Variants in GUCY1A2 observed in about 807,000 individuals in gnomAD.
The protein encoded by GUCY1A2 is guanylate cyclase soluble subunit alpha-2.
In GUCY1A2, 27 loss-of-function variants were observed where a neutral mutation model predicts 63.5. The ratio of observed to expected loss-of-function variants is 0.43; its 90% CI spans 0.31 to 0.59. The LOEUF (loss-of-function observed/expected upper bound fraction) is 0.59, where lower values mean the gene tolerates loss of function less well. Ranked by LOEUF, GUCY1A2 falls within the 20% of genes least tolerant of loss-of-function variation. The probability of loss-of-function intolerance (pLI) is 0.11; values close to 1 mark genes in which losing one functional copy is unlikely to be tolerated. For synonymous variants in GUCY1A2, 364 were observed against 343.5 expected (o/e 1.06, Z -0.66); for missense variants, 768 against 913.3 (o/e 0.84, Z 2.05).
At chr11:106,936,731 T>A in intron 4 of GUCY1A2, 13 of 1,433,192 alleles carry the variant, frequency 9.1e-6, no homozygotes, top group South Asian at 1.2e-5. Flanking sequence ...TTTTTTTTTA[T>A]GGCAGACGTA....
At position 106,751,718 on chromosome 11, in the gene GUCY1A2, G is replaced by A. The variant is rs79305618; in HGVS notation, c.1836+24721C>T. Among the ~76,000 whole-genome samples the A allele has an allele frequency of 8.6e-3, 1,311 of 152,136 alleles. 25 individuals are homozygous for A. Among genetic ancestry groups the A allele is most frequent in the African/African-American group, 0.029 (1,214 of 41,504 alleles). On this transcript the variant is annotated intron_variant, in intron 6 of 7. Coordinates refer to ENST00000526355, the MANE Select transcript of GUCY1A2 (RefSeq NM_000855.3). ...ATTATATTCCCCAAATGCTACCAGA[G>A]TGGATTTATTTGTAGAATTAAATTA... is the stretch of plus-strand genomic sequence containing the variant.
intron 7 of GUCY1A2, among the ~76,000 whole-genome samples, chr11:106,705,448 T>TAAAAG (rs1432269506): frequency 1.3e-5 from 2 of 152,088 alleles, no homozygotes; most frequent in African/African-American, 4.8e-5. Context: ...AAATTGTGTT[T>TAAAAG]AAAAGAAACC....
chr11:106,932,124 GGATT>G (rs1860610963), intron 4 of GUCY1A2, among the ~76,000 whole-genome samples: 1 of 151,632 alleles, frequency 6.6e-6, no homozygotes, highest in African/African-American at 2.4e-5. Flanking sequence ...TTAACTAAAG[GGATT>G]GATTTTTATC....
At chr11:106,955,871 G>C (rs1860977359) in intron 3 of GUCY1A2, among the ~76,000 whole-genome samples, 1 of 152,032 alleles carries the variant, frequency 6.6e-6, no homozygotes, top group Admixed American at 6.5e-5. Flanking sequence ...AGTTCTCCTG[G>C]ATAATATTCT....
At chr11:106,796,396 T>C (rs1015367675) in intron 5 of GUCY1A2, among the ~76,000 whole-genome samples, 1 of 152,230 alleles carries the variant, frequency 6.6e-6, no homozygotes. Context: ...AGTTTCTTCC[T>C]AGCATCGATG....
intron 6 of GUCY1A2, among the ~76,000 whole-genome samples, chr11:106,774,370 A>C (rs1343396424): frequency 1.3e-5 from 2 of 152,014 alleles, no homozygotes; most frequent in Non-Finnish European, 2.9e-5. Flanking sequence ...TGACCTTGTG[A>C]TCCACCCTCT....
chr11:106,997,528 T>C (rs1312041964), intron 1 of GUCY1A2, among the ~76,000 whole-genome samples: 1 of 151,704 alleles, frequency 6.6e-6, no homozygotes, highest in Non-Finnish European at 1.5e-5. Context: ...ACTAAACAAC[T>C]GGTAAGAGGT....
chr11:106,704,734 A>T (rs1423620335), intron 7 of GUCY1A2, among the ~76,000 whole-genome samples: 1 of 152,136 alleles, frequency 6.6e-6, no homozygotes, highest in Non-Finnish European at 1.5e-5. Context: ...TGCTGAGATA[A>T]ATCATTTATT....
intron 6 of GUCY1A2, chr11:106,746,632 A>C (rs758446075): frequency 6.3e-7 from 1 of 1,592,480 alleles, no homozygotes; most frequent in Non-Finnish European, 8.5e-7. Context: ...AAAGGAGTTC[A>C]CTCCTCTGGG....
At chr11:106,897,668 T>C (rs939675118) in intron 4 of GUCY1A2, among the ~76,000 whole-genome samples, 2 of 150,514 alleles carry the variant, frequency 1.3e-5, no homozygotes, top group African/African-American at 2.4e-5. Context: ...AAAAAAAAAA[T>C]TGAATCTAGA....
intron 3 of GUCY1A2, 151 bp from the exon 4 acceptor site, chr11:106,940,329 C>A: frequency 1.9e-6 from 1 of 530,524 alleles, no homozygotes. Flanking sequence ...GGTTAATTCA[C>A]TCATCTTGAA....
intron 2 of GUCY1A2, among the ~76,000 whole-genome samples, chr11:106,985,520 A>G (rs1226294553): frequency 6.6e-6 from 1 of 152,220 alleles, no homozygotes; most frequent in Non-Finnish European, 1.5e-5. Flanking sequence ...TTACTTAGTA[A>G]AAGATCTATT....
chr11:106,765,832 G>A (rs372861921), intron 6 of GUCY1A2, among the ~76,000 whole-genome samples: 3 of 151,996 alleles, frequency 2.0e-5, no homozygotes, highest in Non-Finnish European at 4.4e-5. Context: ...GAATTAATGA[G>A]GTTTTCTAAA....
chr11:106,743,841 G>A (rs1863739096), intron 6 of GUCY1A2, among the ~76,000 whole-genome samples: 1 of 152,152 alleles, frequency 6.6e-6, no homozygotes, highest in Non-Finnish European at 1.5e-5. Context: ...AAGTGGCACT[G>A]AGTAAATATT....
chr11:106,902,831 A>G (rs1156355255), intron 4 of GUCY1A2, among the ~76,000 whole-genome samples: 1 of 152,200 alleles, frequency 6.6e-6, no homozygotes, highest in Non-Finnish European at 1.5e-5. Flanking sequence ...TAATCTAGAA[A>G]TGACTTAAAG....
chr11:106,760,274 C>T (rs1465619200), intron 6 of GUCY1A2, among the ~76,000 whole-genome samples: 1 of 152,056 alleles, frequency 6.6e-6, no homozygotes, highest in Non-Finnish European at 1.5e-5. Flanking sequence ...TTATACATCA[C>T]AGTGATGAGT....
At chr11:106,920,995 C>CT (rs1378827170) in intron 4 of GUCY1A2, among the ~76,000 whole-genome samples, 1 of 151,870 alleles carries the variant, frequency 6.6e-6, no homozygotes, top group African/African-American at 2.4e-5. Flanking sequence ...TTTGATTTTT[C>CT]TTTTTATATT....
At chr11:106,731,289 A>G (rs1013607903) in intron 6 of GUCY1A2, among the ~76,000 whole-genome samples, 1 of 152,186 alleles carries the variant, frequency 6.6e-6, no homozygotes, top group Non-Finnish European at 1.5e-5. Context: ...CAAAAACCAC[A>G]TGGTTAACTC....
rs1343194643 is a variant in GUCY1A2, at chr11:106,680,559, T to G, written c.*6990A>C. 1 of 196,728 alleles carries G rather than the reference T, an allele frequency of 5.1e-6. No homozygotes were observed. Among genetic ancestry groups the G allele is most frequent in the Non-Finnish European group, 1.1e-5 (1 of 94,932 alleles). The allele number at this position is 196,728 out of a possible 1,614,324, so 12.2% of individuals were successfully genotyped here. On this transcript the variant is annotated 3_prime_UTR_variant, in exon 8 of 8. Coordinates refer to ENST00000526355, the MANE Select transcript of GUCY1A2 (RefSeq NM_000855.3). ...TAGCTGAATTAACTGGAAGGATAAC[T>G]TCAGTGTAATTTAATAGATTCAAAT...
Sources: gnomAD v4.1 joint callset for allele counts (sites outside exome capture counted in the v4.1 genomes callset) on GRCh38, gnomAD v4.1.1 for gene constraint, MANE v1.5 for transcripts, NCBI Gene and HGNC (gene_info 2026-07-23, HGNC 2026-07-21) for gene names.